Variants in PKD1L1 observed in about 807,000 individuals in gnomAD.
PKD1L1 encodes the protein polycystin-1-like protein 1.
PKD1L1 carries 236 observed loss-of-function variants against 323.4 expected under a neutral mutation model. That is an observed-to-expected ratio of 0.73 (90% CI 0.66 to 0.81). The LOEUF is 0.81. Ranked by LOEUF, PKD1L1 falls within the 40% of genes least tolerant of loss-of-function variation. The pLI is 0.00. For synonymous variants in PKD1L1, 1,344 were observed against 1,335.0 expected (o/e 1.01, Z -0.15); for missense variants, 3,320 against 3,508.0 (o/e 0.95, Z 1.35).
At chr7:47,780,457 A>C (rs6965904) in intron 56 of PKD1L1, among the ~76,000 whole-genome samples, 42,266 of 151,618 alleles carry the variant, frequency 0.28, 6,214 homozygotes, top group East Asian at 0.57. Flanking sequence ...CATGGTGAAA[A>C]CCCGTCTCTA....
intron 15 of PKD1L1, among the ~76,000 whole-genome samples, chr7:47,892,291 A>G (rs1786837002): frequency 6.6e-6 from 1 of 152,210 alleles, no homozygotes; most frequent in Admixed American, 6.5e-5. Flanking sequence ...GATGAGCTGC[A>G]GAAGGAACCC....
the PKD1L1 span, among the ~76,000 whole-genome samples, chr7:47,953,948 C>T: frequency 2.0e-5 from 3 of 152,250 alleles, no homozygotes; most frequent in African/African-American, 7.2e-5. Context: ...GATCCTCCCC[C>T]AGAAGGCTTC....
intron 56 of PKD1L1, among the ~76,000 whole-genome samples, chr7:47,777,385 A>C (rs564906523): frequency 6.6e-6 from 1 of 152,146 alleles, no homozygotes; most frequent in Non-Finnish European, 1.5e-5. Flanking sequence ...TTTGGATGTG[A>C]TCCCTGGACC....
At chr7:47,797,009 A>AC (rs1233749661) in intron 54 of PKD1L1, among the ~76,000 whole-genome samples, 2 of 151,054 alleles carry the variant, frequency 1.3e-5, no homozygotes, top group Non-Finnish European at 3.0e-5. Context: ...CAAAAAAAAA[A>AC]AAAAAAACAC....
chr7:47,954,673 C>T, the PKD1L1 span, among the ~76,000 whole-genome samples: 2 of 152,126 alleles, frequency 1.3e-5, no homozygotes, highest in Admixed American at 6.5e-5. Context: ...AGACTAAGAC[C>T]GCTTATAAAT....
At chr7:47,950,323 T>C (rs1160823005), upstream of PKD1L1, among the ~76,000 whole-genome samples, 2 of 152,064 alleles carry the variant, frequency 1.3e-5, no homozygotes, top group East Asian at 1.9e-4. Flanking sequence ...AGGGCCTACA[T>C]TTAAAGTTTG....
chr7:47,898,045 C>G lies in PKD1L1; in HGVS notation c.2214G>C (p.Gln738His). The stretch of plus-strand genomic sequence containing the variant: ...AGGTGTGGCTCGGGAGGATGAGGGT[C>G]TGTCTGTGAGTGTCCACAGCAGCAG... The part of the protein sequence containing the change: ...SLPAAVDTHR[Q>H]TLILPSHTLE... Residue 738 changes from glutamine to histidine, a missense_variant, in exon 14 of 57, where the codon CAG becomes CAC. Coordinates refer to ENST00000289672, the MANE Select transcript of PKD1L1 (RefSeq NM_138295.5). 1.9e-6 allele frequency: 3 copies of G among 1,613,566 alleles called. No homozygotes were observed. The highest frequency in any genetic ancestry group is 2.7e-5 in the African/African-American group (2 of 74,982).
chr7:47,805,096 C>T (rs1353888020), intron 52 of PKD1L1, among the ~76,000 whole-genome samples: 13 of 127,556 alleles, frequency 1.0e-4, no homozygotes, highest in African/African-American at 3.1e-4. Context: ...TACACACACA[C>T]ACACACACAC....
In PKD1L1 at chr7:47,885,733, C is replaced by G. The variant is rs10274334; in HGVS notation, c.3158G>C (p.Arg1053Pro). 718,716 of 1,613,696 alleles carry G rather than the reference C, an allele frequency of 0.45. 167,645 individuals carry two copies. Among genetic ancestry groups the G allele is most frequent in the African/African-American group, 0.75 (56,376 of 74,966 alleles). ...GTGGGTGGGCTGACTTCTCTCAGAGCGGCCAGTCATCAGGGATCCCTTGCT... is the reference window on the plus strand; with the variant it reads ...GTGGGTGGGCTGACTTCTCTCAGAGGGGCCAGTCATCAGGGATCCCTTGCT... ...PQSKGSLMTG[R>P]SERSQPTHSP... The change falls in exon 18 of 57, where the codon CGC (arginine) becomes CCC (proline). Residue 1053 changes from arginine (R) to proline (P), a missense_variant. By Grantham distance (103) the Arg-to-Pro change is moderately radical. Transcript: ENST00000289672.
chr7:47,876,670 G>A (rs566517563), intron 22 of PKD1L1, among the ~76,000 whole-genome samples: 33 of 152,294 alleles, frequency 2.2e-4, no homozygotes, highest in African/African-American at 7.7e-4. Flanking sequence ...AAGGGGTCAG[G>A]CAGAAGGGCA....
chr7:47,852,605 G>A (rs1462948647), intron 31 of PKD1L1, among the ~76,000 whole-genome samples: 2 of 152,120 alleles, frequency 1.3e-5, no homozygotes, highest in African/African-American at 4.8e-5. Flanking sequence ...TTGGGGAAGG[G>A]GTTACTGAGG....
At chr7:47,837,133 G>A in intron 36 of PKD1L1, 39 bp from the exon 37 acceptor site, 2 of 1,604,770 alleles carry the variant, frequency 1.2e-6, no homozygotes, top group Non-Finnish European at 8.5e-7. Flanking sequence ...CTGACATGGA[G>A]CATTTCTGTC....
At chr7:47,955,196 C>A in the PKD1L1 span, among the ~76,000 whole-genome samples, 1 of 152,308 alleles carries the variant, frequency 6.6e-6, no homozygotes, top group South Asian at 2.1e-4. Flanking sequence ...TTGATCGAGA[C>A]TCCAGTATTC....
At chr7:47,809,861 G>A (rs1003941372) in intron 50 of PKD1L1, 4 of 277,180 alleles carry the variant, frequency 1.4e-5, no homozygotes, top group African/African-American at 4.4e-5. Flanking sequence ...GGGCATCTAC[G>A]GCCACCAGGC....
At chr7:47,776,037 T>C (rs1786561430) in intron 56 of PKD1L1, among the ~76,000 whole-genome samples, 1 of 152,130 alleles carries the variant, frequency 6.6e-6, no homozygotes. Flanking sequence ...AATGGAAATA[T>C]TATGAACAAC....
At chr7:47,794,473 G>T (rs1178563306) in intron 55 of PKD1L1, among the ~76,000 whole-genome samples, 1 of 152,220 alleles carries the variant, frequency 6.6e-6, no homozygotes, top group Admixed American at 6.5e-5. Context: ...TGGGTGCACA[G>T]AAGTCAAGAA....
intron 26 of PKD1L1, among the ~76,000 whole-genome samples, chr7:47,860,967 G>A (rs80173795): frequency 0.01 from 1,578 of 152,242 alleles, 25 homozygotes; most frequent in African/African-American, 0.035. Context: ...GCAGCGAGGT[G>A]TGCACCTGCA....
At chr7:47,907,337 G>A (rs949758918) in intron 9 of PKD1L1, among the ~76,000 whole-genome samples, 1 of 152,168 alleles carries the variant, frequency 6.6e-6, no homozygotes, top group Non-Finnish European at 1.5e-5. Context: ...TGGGCACTTT[G>A]GGAGTGCCTC....
At chr7:47,792,943 A>C in intron 55 of PKD1L1, 146 bp from the exon 56 acceptor site, 1 of 716,786 alleles carries the variant, frequency 1.4e-6, no homozygotes, top group Non-Finnish European at 2.2e-6. Flanking sequence ...CAGTTAGAAG[A>C]CCTGGGTGCT....
Sources: allele counts gnomAD v4.1 joint callset (sites outside exome capture counted in the v4.1 genomes callset), GRCh38; gene constraint gnomAD v4.1.1; transcripts MANE v1.5; gene names NCBI Gene and HGNC (gene_info 2026-07-23, HGNC 2026-07-21).